The following CACNA1C variants were observed in gnomAD, a reference collection of about 807,000 sequenced individuals.
The protein encoded by CACNA1C is calcium voltage-gated channel subunit alpha1 C, also known as voltage-dependent L-type calcium channel subunit alpha-1C.
A neutral mutation model predicts 229.0 loss-of-function variants in CACNA1C; 30 were observed. The observed-to-expected ratio is 0.13, with a 90% CI of 0.10 to 0.18. The LOEUF (loss-of-function observed/expected upper bound fraction) is 0.18, where lower values mean the gene tolerates loss of function less well. Among genes scored for constraint, CACNA1C ranks in the 10% least tolerant of loss-of-function variants. The pLI, the probability that CACNA1C is intolerant of heterozygous loss-of-function variation, is 1.00. For synonymous variants in CACNA1C, 1,114 were observed against 1,132.5 expected, an observed-to-expected ratio of 0.98 and a Z score of 0.33; for missense variants, 1,658 against 2,845.0, an observed-to-expected ratio of 0.58 and a Z score of 9.49.
intron 1 of CACNA1C, among the ~76,000 whole-genome samples, chr12:2,006,814 A>G (rs2043551531): frequency 6.6e-6 from 1 of 152,220 alleles, no homozygotes; most frequent in African/African-American, 2.4e-5. Flanking sequence ...ACATATGTTT[A>G]TATATTTATA....
chr12:2,304,182 G>A (rs994911627), intron 3 of CACNA1C, among the ~76,000 whole-genome samples: 5 of 152,138 alleles, frequency 3.3e-5, no homozygotes, highest in Non-Finnish European at 5.9e-5. Flanking sequence ...TGTGAACTCT[G>A]GTGGAAAGTG....
At chr12:2,578,666 A>G (rs1037260353) in intron 13 of CACNA1C, among the ~76,000 whole-genome samples, 5 of 152,160 alleles carry the variant, frequency 3.3e-5, no homozygotes, top group African/African-American at 1.2e-4. Context: ...GACTCCGAGG[A>G]CTTTGCCTTG....
intron 3 of CACNA1C, among the ~76,000 whole-genome samples, chr12:2,158,134 A>C (rs1473662760): frequency 6.6e-6 from 1 of 152,240 alleles, no homozygotes; most frequent in African/African-American, 2.4e-5. Flanking sequence ...GGAAATCACC[A>C]ATGAGACAGT....
At chr12:2,516,602 C>G (rs1598631746) in intron 9 of CACNA1C, among the ~76,000 whole-genome samples, 1 of 151,946 alleles carries the variant, frequency 6.6e-6, no homozygotes, top group African/African-American at 2.4e-5. Context: ...TTTGCAGACG[C>G]GTCAGATATG....
Position 2,067,404 on chromosome 12 carries a change from G to T in CACNA1C, c.49+13793G>T, listed in dbSNP as rs1217930951. On this transcript the variant is annotated intron_variant, in intron 1 of 46. Coordinates refer to ENST00000399655, the MANE Select transcript of CACNA1C (RefSeq NM_000719.7). This position sits in a 1 kb window ranked among gnomAD's most constrained non-coding sequence, Gnocchi z 5.3. ...GACAAAAGCCTGGGTGGTGGAGATG[G>T]TGGCAGTTTAAGGATGTGGGCTTAG... Among the ~76,000 whole-genome samples the T allele has an allele frequency of 6.6e-6, 1 of 151,736 alleles. No homozygotes were observed. Among genetic ancestry groups the T allele is most frequent in the East Asian group, 1.9e-4 (1 of 5,132 alleles).
At chr12:2,225,883 G>A (rs988751151) in intron 3 of CACNA1C, among the ~76,000 whole-genome samples, 2 of 152,076 alleles carry the variant, frequency 1.3e-5, no homozygotes, top group African/African-American at 2.4e-5. Flanking sequence ...GAGTGAGGAC[G>A]CCATACAAAT....
At chr12:2,455,285 C>T (rs555886566) in intron 4 of CACNA1C, among the ~76,000 whole-genome samples, 29 of 152,330 alleles carry the variant, frequency 1.9e-4, no homozygotes, top group Non-Finnish European at 3.2e-4. Flanking sequence ...CTTGTCTATA[C>T]GGTAGCCACA....
At chr12:2,309,366 G>A (rs1272699136) in intron 3 of CACNA1C, among the ~76,000 whole-genome samples, 4 of 152,134 alleles carry the variant, frequency 2.6e-5, no homozygotes, top group African/African-American at 9.7e-5. Context: ...ATGGGAGATG[G>A]GGAAGGGTTA....
intron 3 of CACNA1C, among the ~76,000 whole-genome samples, chr12:2,241,801 T>C (rs910155983): frequency 1.3e-5 from 2 of 152,248 alleles, no homozygotes; most frequent in African/African-American, 2.4e-5. Context: ...TTTTTTGTTA[T>C]GTTTGATCCC....
At chr12:2,334,769 A>G (rs900499546) in intron 3 of CACNA1C, among the ~76,000 whole-genome samples, 1 of 152,216 alleles carries the variant, frequency 6.6e-6, no homozygotes, top group African/African-American at 2.4e-5. Context: ...GTCCCATTGT[A>G]TGATGCAAGG....
At chr12:2,411,131 C>T (rs1240143304) in intron 3 of CACNA1C, among the ~76,000 whole-genome samples, 1 of 152,132 alleles carries the variant, frequency 6.6e-6, no homozygotes, top group Non-Finnish European at 1.5e-5. Context: ...CAACTGTCCC[C>T]AGCAAAGCCT....
At chr12:2,544,398 C>T (rs1351203149) in intron 9 of CACNA1C, among the ~76,000 whole-genome samples, 1 of 152,192 alleles carries the variant, frequency 6.6e-6, no homozygotes, top group African/African-American at 2.4e-5. Flanking sequence ...CATGCCTTTC[C>T]TGGAAGTGAT....
chr12:2,152,573 G>A lies in CACNA1C; in HGVS notation c.477+32143G>A, dbSNP rs1179782321. On this transcript the variant is annotated intron_variant, in intron 3 of 46. Coordinates refer to ENST00000399655, the MANE Select transcript of CACNA1C (RefSeq NM_000719.7). The surrounding 1 kb of genome is among the most constrained non-coding windows in gnomAD (Gnocchi z 4.2). Reference sequence around the variant, plus strand: ...CTTCCATGGGAGAGAGGAAGTAAATGTCTCTCATGGGGAATCCCTGTTGTT... The same window carrying A: ...CTTCCATGGGAGAGAGGAAGTAAATATCTCTCATGGGGAATCCCTGTTGTT... Among the ~76,000 whole-genome samples, 1 of 152,176 alleles carries A rather than the reference G, an allele frequency of 6.6e-6. No homozygotes were observed. Among genetic ancestry groups the A allele is most frequent in the Admixed American group, 6.5e-5 (1 of 15,274 alleles).
rs963038390 is a variant in CACNA1C at position 2,319,331 on chromosome 12, G to A, written c.478-129645G>A. On this transcript the variant is annotated intron_variant, in intron 3 of 46. Coordinates refer to ENST00000399655, the MANE Select transcript of CACNA1C (RefSeq NM_000719.7). This position sits in a 1 kb window ranked among gnomAD's most constrained non-coding sequence, Gnocchi z 4.0. ...GGCATGCATGGGGGTGCCGTGCATG[G>A]TGGGCAACATACATGGGGGCAGTGT... Among the ~76,000 whole-genome samples, 25 of 152,120 alleles carry A rather than the reference G, an allele frequency of 1.6e-4. No individual in the cohort carries two copies. The highest frequency in any genetic ancestry group is 5.3e-4 in the African/African-American group (22 of 41,468).
At chr12:2,590,749 G>A (rs74053870) in intron 18 of CACNA1C, among the ~76,000 whole-genome samples, 5,025 of 152,240 alleles carry the variant, frequency 0.033, 285 homozygotes, top group African/African-American at 0.11. Context: ...ATGGCACAAA[G>A]CTATAGTAAA....
intron 1 of CACNA1C, among the ~76,000 whole-genome samples, chr12:2,063,703 T>C (rs569178660): frequency 6.6e-6 from 1 of 152,364 alleles, no homozygotes; most frequent in East Asian, 1.9e-4. Context: ...TCATCCACGT[T>C]GTACCATGTG....
intron 3 of CACNA1C, among the ~76,000 whole-genome samples, chr12:2,320,904 G>C (rs899736641): frequency 6.6e-6 from 1 of 152,178 alleles, no homozygotes; most frequent in Admixed American, 6.5e-5. Flanking sequence ...GATAGTCACA[G>C]GTCCTGGGTG....
At position 1,972,268 on chromosome 12, in the gene CACNA1C, A is replaced by G. The variant is rs575354840; in HGVS notation, c.139+1067A>G. ...AAGTCTTCCTCACAAGAGTAGAATAATATTTTCAATGTAAGGATGGAGAAT... is the reference window on the plus strand; with the variant it reads ...AAGTCTTCCTCACAAGAGTAGAATAGTATTTTCAATGTAAGGATGGAGAAT... On this transcript the variant is annotated intron_variant, in intron 1 of 46. Transcript: ENST00000682462. Among the ~76,000 whole-genome samples the G allele has an allele frequency of 7.2e-5, 11 of 152,380 alleles. No individual in the cohort carries two copies. In the East Asian group the frequency reaches 2.1e-3, roughly 29 times the overall value.
At chr12:2,280,077 C>A (rs1288061646) in intron 3 of CACNA1C, among the ~76,000 whole-genome samples, 2 of 152,224 alleles carry the variant, frequency 1.3e-5, no homozygotes, top group Non-Finnish European at 2.9e-5. Flanking sequence ...TTTTATTCAG[C>A]CTGACTTAAT....
Sources: allele counts gnomAD v4.1 joint callset (sites outside exome capture counted in the v4.1 genomes callset), GRCh38; gene constraint gnomAD v4.1.1; non-coding constraint Gnocchi (gnomAD v3.1); transcripts MANE v1.5; gene names NCBI Gene and HGNC (gene_info 2026-07-23, HGNC 2026-07-21).